NOMO3: variants seen among roughly 807,000 people sequenced by gnomAD.
NOMO3 encodes BOS complex subunit NOMO3.
A neutral mutation model predicts 69.9 loss-of-function variants in NOMO3; 15 were observed. That is an observed-to-expected ratio of 0.21 (90% CI 0.14 to 0.33). The LOEUF is 0.33. Ranked by LOEUF, NOMO3 falls within the 10% of genes least tolerant of loss-of-function variation. NOMO3 has a pLI of 1.00. For missense variants in NOMO3, 218 were observed against 761.0 expected, an observed-to-expected ratio of 0.29 and a Z score of 8.39; for synonymous variants, 89 against 301.9, an observed-to-expected ratio of 0.29 and a Z score of 7.31.
At chr16:16,259,867 C>A (rs1231255966) in intron 11 of NOMO3, among the ~76,000 whole-genome samples, 1 of 2,968 alleles carries the variant, frequency 3.4e-4, no homozygotes, top group Non-Finnish European at 6.1e-4. Flanking sequence ...CCAAACTAAG[C>A]CAGTATAGAT....
chr16:16,268,809 A>G (rs1450163948), intron 16 of NOMO3, among the ~76,000 whole-genome samples: 3 of 143,394 alleles, frequency 2.1e-5, no homozygotes, highest in Non-Finnish European at 4.4e-5. Flanking sequence ...TATTTTCAAG[A>G]TGGCTGTGGT....
chr16:16,261,142 G>C (rs2049561801), intron 11 of NOMO3: 1 of 309,344 alleles, frequency 3.2e-6, no homozygotes, highest in African/African-American at 2.6e-5. Context: ...CTCAGTCCAA[G>C]GCCGCTCTGC....
At chr16:16,259,325 A>G (rs1467560492) in intron 11 of NOMO3, among the ~76,000 whole-genome samples, 1 of 143,960 alleles carries the variant, frequency 6.9e-6, no homozygotes, top group Non-Finnish European at 1.5e-5. Flanking sequence ...TTTTTAGCAC[A>G]CTGATACTTC....
At position 16,255,054 on chromosome 16, in the gene NOMO3, AGGCGCCCGCCACCACACCT is replaced by A. The variant is rs1281106003; in HGVS notation, c.964-662_964-644del. ...CAGCCTCCCGAGTAGCTGGGATTAC[AGGCGCCCGCCACCACACCT>A]GGCTAATTTTTGTATTTTTAGTGGA... On this transcript the variant is annotated intron_variant, in intron 9 of 30. Coordinates refer to ENST00000399336, the MANE Select transcript of NOMO3 (RefSeq NM_001004067.4). 2.1e-5 allele frequency among the ~76,000 whole-genome samples: 3 copies of A among 144,138 alleles called. No individual in the cohort carries two copies. In the East Asian group the frequency reaches 6.8e-4, roughly 33 times the overall value. 94.6% of individuals were successfully genotyped at this position (144,138 alleles called of 152,430 possible). A position where few individuals can be genotyped will look rare whatever the true frequency, so the allele number is the denominator to read the frequency against.
intron 15 of NOMO3, among the ~76,000 whole-genome samples, chr16:16,265,741 T>C (rs56352717): frequency 0.044 from 4,299 of 97,784 alleles, 28 homozygotes; most frequent in African/African-American, 0.085. Context: ...AGTGCAGTGG[T>C]GCAATCTCGG....
chr16:16,262,839 A>C (rs1416757289), intron 12 of NOMO3, among the ~76,000 whole-genome samples: 1 of 141,136 alleles, frequency 7.1e-6, no homozygotes, highest in Non-Finnish European at 1.5e-5. Flanking sequence ...GGCCAGATAG[A>C]CTTTTGTTCA....
At position 16,255,700 on chromosome 16, in the gene NOMO3, T is replaced by C; in HGVS notation, c.964-20T>C. 6.3e-7 allele frequency: 1 copy of C among 1,593,170 alleles called. No homozygotes were observed. The highest frequency in any genetic ancestry group is 8.5e-7 in the Non-Finnish European group (1 of 1,178,054). ...GGCACAGGAGCACCTTCGAGCACCT[T>C]CTTGTTCTTTGTTTTCTAGCCCGTG... On this transcript the variant is annotated intron_variant, in intron 9 of 30. Coordinates refer to ENST00000399336, the MANE Select transcript of NOMO3 (RefSeq NM_001004067.4).
At chr16:16,269,929 C>CG (rs2049648760) in intron 16 of NOMO3, among the ~76,000 whole-genome samples, 192 bp from the exon 17 acceptor site, 1 of 132,964 alleles carries the variant, frequency 7.5e-6, no homozygotes, top group Non-Finnish European at 1.5e-5. Context: ...TTGCATGGAT[C>CG]GGGTCATTGG....
chr16:16,243,866 C>T lies in NOMO3; in HGVS notation c.402+605C>T, dbSNP rs948775664. 2.1e-5 allele frequency among the ~76,000 whole-genome samples: 3 copies of T among 143,954 alleles called. 1 individual carries two copies. Among genetic ancestry groups the T allele is most frequent in the African/African-American group, 5.6e-5 (2 of 35,654 alleles). The allele number at this position is 143,954 out of a possible 152,430, so 94.4% of individuals were successfully genotyped here. A position where few individuals can be genotyped will look rare whatever the true frequency, so the allele number is the denominator to read the frequency against. ...CAGGGATGGCCTTTTACAGGGATGC[C>T]GAATTGGAAGGACACACTCTCTAAG... is the stretch of plus-strand genomic sequence containing the variant. On this transcript the variant is annotated intron_variant, in intron 4 of 30. Transcript: ENST00000399336.
rs2049349156 is a variant in NOMO3 at position 16,238,521 on chromosome 16, C to T, written c.256-1330C>T. On this transcript the variant is annotated intron_variant, in intron 2 of 30. Transcript: ENST00000399336. ...AGAGTGCTGGGATTACAGGCATGAGCCACCATGCTCAGCCTACTGACTTCT... is the reference window on the plus strand; with the variant it reads ...AGAGTGCTGGGATTACAGGCATGAGTCACCATGCTCAGCCTACTGACTTCT... Among the ~76,000 whole-genome samples the T allele has an allele frequency of 1.4e-5, 2 of 143,430 alleles. 1 individual carries two copies. The highest frequency in any genetic ancestry group is 4.6e-4 in the East Asian group (2 of 4,364). 94.1% of individuals were successfully genotyped at this position (143,430 alleles called of 152,430 possible).
At chr16:16,240,225 GCTT>G (rs1277154071) in intron 3 of NOMO3, among the ~76,000 whole-genome samples, 1 of 144,494 alleles carries the variant, frequency 6.9e-6, no homozygotes, top group Non-Finnish European at 1.5e-5. Context: ...TCCCAGGATG[GCTT>G]CTTTTTTAGC....
chr16:16,232,840 C>CCG lies in NOMO3; in HGVS notation c.165+11_165+12dup. 2.9e-6 allele frequency: 1 copy of CCG among 346,960 alleles called. No individual in the cohort carries two copies. The highest frequency in any genetic ancestry group is 4.2e-6 in the Non-Finnish European group (1 of 240,228). The allele number at this position is 346,960 out of a possible 1,614,324, so 21.5% of individuals were successfully genotyped here. ...ACTACTCTCTCATCGAGGTGAGCGC[C>CCG]CGCCCCGCCGCCCGGCGCCGAGTCG... On this transcript the variant is annotated intron_variant, in intron 1 of 30. Transcript: ENST00000399336.
At chr16:16,252,828 ATTTTTTTT>A (rs1180588275) in intron 9 of NOMO3, among the ~76,000 whole-genome samples, 4 of 66,678 alleles carry the variant, frequency 6.0e-5, no homozygotes, top group Admixed American at 4.2e-4. Context: ...TGTGGACCTC[ATTTTTTTT>A]TTTTTTTTTT....
chr16:16,265,668 ATATTTTTTTTTT>A (rs1478005874), intron 15 of NOMO3, among the ~76,000 whole-genome samples: 39 of 24,894 alleles, frequency 1.6e-3, no homozygotes, highest in Non-Finnish European at 1.9e-3. Flanking sequence ...ATATATATAT[ATATTTTTTTTTT>A]TTTTTTTTTT....
intron 3 of NOMO3, among the ~76,000 whole-genome samples, chr16:16,240,498 G>A (rs566235674): frequency 1.4e-5 from 2 of 145,562 alleles, no homozygotes; most frequent in African/African-American, 5.4e-5. Flanking sequence ...GGGCTGGCAC[G>A]TAATTAGCAA....
intron 16 of NOMO3, among the ~76,000 whole-genome samples, chr16:16,268,956 G>C (rs2141262832): frequency 7.1e-6 from 1 of 140,200 alleles, no homozygotes; most frequent in Non-Finnish European, 1.5e-5. Context: ...TGCAAGGGAG[G>C]CTGGGACAGT....
intron 3 of NOMO3, among the ~76,000 whole-genome samples, chr16:16,241,656 C>A (rs2049374758): frequency 8.6e-6 from 1 of 116,754 alleles, no homozygotes; most frequent in Non-Finnish European, 1.7e-5. Flanking sequence ...GATCTGCCCG[C>A]TTTGGCCTCC....
chr16:16,237,747 G>A (rs567181076), intron 2 of NOMO3, among the ~76,000 whole-genome samples: 1 of 143,888 alleles, frequency 6.9e-6, no homozygotes, highest in South Asian at 2.2e-4. Context: ...ATGGGGTTTT[G>A]CCATGTTGGC....
At chr16:16,237,676 A>G (rs2049338787) in intron 2 of NOMO3, among the ~76,000 whole-genome samples, 1 of 143,102 alleles carries the variant, frequency 7.0e-6, no homozygotes, top group Non-Finnish European at 1.5e-5. Flanking sequence ...AGCCTCCTGA[A>G]TAGCTGGGAT....
Sources: allele counts gnomAD v4.1 joint callset (sites outside exome capture counted in the v4.1 genomes callset), GRCh38; gene constraint gnomAD v4.1.1; transcripts MANE v1.5; gene names NCBI Gene and HGNC (gene_info 2026-07-23, HGNC 2026-07-21).